The following KIT variants were observed in gnomAD, a reference collection of about 807,000 sequenced individuals.
KIT encodes the protein KIT proto-oncogene, receptor tyrosine kinase, also known as mast/stem cell growth factor receptor Kit.
KIT carries 16 observed loss-of-function variants against 105.7 expected under a neutral mutation model. The observed-to-expected ratio is 0.15, with a 90% CI of 0.10 to 0.23. The LOEUF (loss-of-function observed/expected upper bound fraction) is 0.23. Among genes scored for constraint, KIT ranks in the 10% least tolerant of loss-of-function variants. KIT has a pLI of 1.00. For synonymous variants in KIT, 438 were observed against 441.1 expected, an observed-to-expected ratio of 0.99 and a Z score of 0.09; for missense variants, 858 against 1,213.8, an observed-to-expected ratio of 0.71 and a Z score of 4.36.
intron 20 of KIT, 70 bp downstream of exon 20, chr4:54,737,350 T>G: frequency 9.4e-7 from 1 of 1,059,818 alleles, no homozygotes; most frequent in Non-Finnish European, 1.5e-6. Flanking sequence ...TCCTCAGGCT[T>G]TCAGGGTGAG....
Position 54,738,618 on chromosome 4 carries a change from G to A in KIT, c.*61G>A. 1.2e-6 allele frequency: 2 copies of A among 1,600,360 alleles called. No individual in the cohort carries two copies. The highest frequency in any genetic ancestry group is 1.7e-5 in the Admixed American group (1 of 60,010). On this transcript the variant is annotated 3_prime_UTR_variant, in exon 21 of 21. Coordinates refer to ENST00000288135, the MANE Select transcript of KIT (RefSeq NM_000222.3). The stretch of plus-strand genomic sequence containing the variant: ...ATCTCTTCTTTTGGCTTCCATGATG[G>A]TTATTTTCTTTTCTTTCAACTTGCA...
intron 7 of KIT, among the ~76,000 whole-genome samples, chr4:54,714,045 T>C (rs1721315526): frequency 1.3e-5 from 2 of 152,196 alleles, no homozygotes; most frequent in Non-Finnish European, 2.9e-5. Context: ...AATTAGTGAT[T>C]ATATCTGCAT....
intron 1 of KIT, among the ~76,000 whole-genome samples, chr4:54,671,692 C>A (rs1718120822): frequency 6.6e-6 from 1 of 152,054 alleles, no homozygotes; most frequent in African/African-American, 2.4e-5. Context: ...GGAGTCTATG[C>A]CTTCTAGAGT....
At chr4:54,724,672 T>C (rs1394348077) in intron 8 of KIT, among the ~76,000 whole-genome samples, 2 of 152,120 alleles carry the variant, frequency 1.3e-5, no homozygotes, top group East Asian at 1.9e-4. Flanking sequence ...GTTCAGTCTT[T>C]TAGCTTCCCT....
intron 1 of KIT, among the ~76,000 whole-genome samples, chr4:54,684,155 G>A (rs1037976573): frequency 3.5e-5 from 5 of 142,410 alleles, no homozygotes; most frequent in Non-Finnish European, 6.1e-5. Flanking sequence ...CAGGTTGAAC[G>A]CCCACACAGA....
intron 7 of KIT, among the ~76,000 whole-genome samples, chr4:54,717,587 C>G (rs1332800797): frequency 6.6e-6 from 1 of 152,090 alleles, no homozygotes; most frequent in Non-Finnish European, 1.5e-5. Context: ...TGAGTGGTCC[C>G]TTTTATATTG....
intron 9 of KIT, among the ~76,000 whole-genome samples, chr4:54,726,811 T>C (rs1024281192): frequency 6.6e-6 from 1 of 151,974 alleles, no homozygotes; most frequent in African/African-American, 2.4e-5. Flanking sequence ...TGAAAGACAT[T>C]CATGCTCAGT....
chr4:54,685,887 C>T (rs1719278037), intron 1 of KIT, among the ~76,000 whole-genome samples: 1 of 152,204 alleles, frequency 6.6e-6, no homozygotes, highest in East Asian at 1.9e-4. Flanking sequence ...TCTCCACTTG[C>T]CCACTGCCTT....
chr4:54,690,728 T>G (rs963396571), intron 1 of KIT, among the ~76,000 whole-genome samples: 1 of 152,236 alleles, frequency 6.6e-6, no homozygotes, highest in Admixed American at 6.5e-5. Flanking sequence ...TTTCAAAATT[T>G]GGAATTTCAG....
At position 54,695,589 on chromosome 4, in the gene KIT, C is replaced by T. The variant is rs759250095; in HGVS notation, c.145C>T (p.Arg49Cys). 16 of 1,614,040 alleles carry T rather than the reference C, an allele frequency of 9.9e-6. No homozygotes were observed. Among genetic ancestry groups the T allele is most frequent in the Admixed American group, 1.7e-5 (1 of 59,998 alleles). The change falls in exon 2 of 21, where the codon CGC becomes TGC. Residue 49 changes from arginine to cysteine, a missense_variant. Physicochemically the swap from Arg to Cys is radical, Grantham distance 180. This residue lies in a region of KIT where 401 missense variants were observed against 601.0 expected (regional missense o/e 0.67). Transcript: ENST00000288135. ...TCCAGGAAAATCAGACTTAATAGTCCGCGTGGGCGACGAGATTAGGCTGTT... is the reference window on the plus strand; with the variant it reads ...TCCAGGAAAATCAGACTTAATAGTCTGCGTGGGCGACGAGATTAGGCTGTT... ...IHPGKSDLIVRVGDEIRLLCT... is the reference protein window; with the variant it reads ...IHPGKSDLIVCVGDEIRLLCT...
At chr4:54,686,308 C>T (rs1719308850) in intron 1 of KIT, among the ~76,000 whole-genome samples, 1 of 152,058 alleles carries the variant, frequency 6.6e-6, no homozygotes, top group Non-Finnish European at 1.5e-5. Flanking sequence ...AGTGCTATTG[C>T]TTGAAACCTT....
intron 14 of KIT, among the ~76,000 whole-genome samples, chr4:54,730,607 C>A (rs962026926): frequency 6.6e-6 from 1 of 152,064 alleles, no homozygotes; most frequent in Non-Finnish European, 1.5e-5. Flanking sequence ...CTTTCCGAAA[C>A]CTTGGCCCTA....
chr4:54,718,642 G>A (rs980102277), intron 7 of KIT, among the ~76,000 whole-genome samples: 7 of 152,018 alleles, frequency 4.6e-5, no homozygotes, highest in African/African-American at 7.2e-5. Context: ...TATGTATCTC[G>A]CCCTTTATAG....
At position 54,738,440 on chromosome 4, in the gene KIT, C is replaced by T. The variant is rs1244745297; in HGVS notation, c.2814C>T (p.Asn938=). 1 of 1,614,054 alleles carries T rather than the reference C, an allele frequency of 6.2e-7. No individual in the cohort carries two copies. The highest frequency in any genetic ancestry group is 1.3e-5 in the African/African-American group (1 of 75,016). The part of the protein sequence containing the change: ...ISESTNHIYS[N]LANCSPNRQK... ...CTTGTTTTCTCCAGATTTACTCCAA[C>T]TTAGCAAACTGCAGCCCCAACCGAC... Residue 938 remains asparagine (N), a synonymous_variant, in exon 21 of 21, where the codon AAC becomes AAT. Transcript: ENST00000288135.
intron 1 of KIT, among the ~76,000 whole-genome samples, chr4:54,660,256 A>C (rs1283737945): frequency 1.3e-5 from 2 of 152,096 alleles, no homozygotes; most frequent in Non-Finnish European, 2.9e-5. Flanking sequence ...TTCAATTCCC[A>C]TATATTCCTC....
At position 54,699,762 on chromosome 4, in the gene KIT, G is replaced by A. The variant is rs2109679574; in HGVS notation, c.752G>A (p.Ser251Asn). Residue 251 changes from serine to asparagine, a missense_variant, in exon 4 of 21, where the codon AGT becomes AAT. Around this residue, in one of 7 missense-constraint regions of KIT, gnomAD observed 401 missense variants for 601.0 expected, o/e 0.67. Coordinates refer to ENST00000288135, the MANE Select transcript of KIT (RefSeq NM_000222.3). The stretch of plus-strand genomic sequence containing the variant: ...TACTCAACGTGGAAAAGAGAAAACA[G>A]TCAGGTGAGTGAATCGCTTCATTCT... ...SVYSTWKREN[S>N]QTKLQEKYNS... 6.2e-7 allele frequency: 1 copy of A among 1,613,738 alleles called. No individual in the cohort carries two copies. The highest frequency in any genetic ancestry group is 1.1e-5 in the South Asian group (1 of 91,044).
chr4:54,682,420 T>TTATTA (rs1344185105), intron 1 of KIT, among the ~76,000 whole-genome samples: 3 of 151,976 alleles, frequency 2.0e-5, no homozygotes, highest in Non-Finnish European at 4.4e-5. Flanking sequence ...GTAAGAGATT[T>TTATTA]CTTTGTCTTT....
At chr4:54,689,910 A>T (rs1005991611) in intron 1 of KIT, among the ~76,000 whole-genome samples, 5 of 152,134 alleles carry the variant, frequency 3.3e-5, no homozygotes, top group Non-Finnish European at 7.4e-5. Flanking sequence ...AACCTGTTCT[A>T]CTTTCTGTCT....
intron 1 of KIT, among the ~76,000 whole-genome samples, chr4:54,666,282 T>C (rs2237031): frequency 2.6e-5 from 4 of 151,844 alleles, no homozygotes; most frequent in Non-Finnish European, 5.9e-5. Context: ...TTTGTTTTTT[T>C]TGTTTTGTTT....
Sources: allele counts gnomAD v4.1 joint callset (sites outside exome capture counted in the v4.1 genomes callset), GRCh38; gene constraint gnomAD v4.1.1; regional missense constraint gnomAD v4.1.1; transcripts MANE v1.5; gene names NCBI Gene and HGNC (gene_info 2026-07-23, HGNC 2026-07-21).